The following SNX9 variants were observed in gnomAD, a reference collection of about 807,000 sequenced individuals.
SNX9 encodes sorting nexin 9, also known as sorting nexin-9.
In SNX9, 44 loss-of-function variants were observed where a neutral mutation model predicts 89.4. That is an observed-to-expected ratio of 0.49 (90% confidence interval 0.39 to 0.63). SNX9 has a LOEUF of 0.63. Among genes scored for constraint, SNX9 ranks in the 30% least tolerant of loss-of-function variants. The pLI, the probability that SNX9 is intolerant of heterozygous loss-of-function variation, is 0.00. For missense variants in SNX9, 578 were observed against 736.1 expected (o/e 0.79, Z 2.49); for synonymous variants, 236 against 247.8 (o/e 0.95, Z 0.45).
chr6:157,894,722 C>T (rs1039230932), intron 4 of SNX9, among the ~76,000 whole-genome samples: 24 of 152,200 alleles, frequency 1.6e-4, no homozygotes, highest in Non-Finnish European at 2.5e-4. Context: ...CAAAACCCCT[C>T]AGCGTGACAG....
chr6:157,896,270 T>G (rs1267598152), intron 4 of SNX9, among the ~76,000 whole-genome samples: 4 of 152,218 alleles, frequency 2.6e-5, no homozygotes, highest in African/African-American at 9.6e-5. Flanking sequence ...TTGTTTGAAT[T>G]TTTTTTATTA....
intron 1 of SNX9, among the ~76,000 whole-genome samples, chr6:157,830,035 A>G (rs1431667483): frequency 1.3e-5 from 2 of 152,200 alleles, no homozygotes; most frequent in Admixed American, 6.5e-5. Context: ...AAAAGACATA[A>G]GGTTATTTAA....
chr6:157,895,470 T>TA (rs1032580112), intron 4 of SNX9, among the ~76,000 whole-genome samples: 1 of 152,178 alleles, frequency 6.6e-6, no homozygotes, highest in African/African-American at 2.4e-5. Context: ...CATGGTATTA[T>TA]AGTACCCAAA....
chr6:157,876,428 G>T (rs1406616814), intron 4 of SNX9, among the ~76,000 whole-genome samples: 1 of 152,208 alleles, frequency 6.6e-6, no homozygotes, highest in African/African-American at 2.4e-5. Context: ...TCCAGCCTGG[G>T]CGAGTGAGAC....
At chr6:157,937,650 G>A in intron 15 of SNX9, 127 bp downstream of exon 15, 1 of 675,202 alleles carries the variant, frequency 1.5e-6, no homozygotes, top group Non-Finnish European at 2.5e-6. Context: ...CATTAGAAAG[G>A]TTTTGTAACT....
chr6:157,912,253 T>C (rs568397534), intron 9 of SNX9, among the ~76,000 whole-genome samples: 1 of 152,372 alleles, frequency 6.6e-6, no homozygotes, highest in Non-Finnish European at 1.5e-5. Context: ...GTTAGCACAG[T>C]GTGTGCTCCA....
chr6:157,895,648 AAAT>A (rs1258238799), intron 4 of SNX9, among the ~76,000 whole-genome samples: 1 of 152,206 alleles, frequency 6.6e-6, no homozygotes, highest in Non-Finnish European at 1.5e-5. Context: ...TACCGAGCAA[AAAT>A]AATACAATTT....
rs1782450192 is a variant in SNX9, at chr6:157,873,190, G to A, written c.174+14G>A. The A allele has an allele frequency of 2.6e-6, 4 of 1,566,012 alleles. No homozygotes were observed. Among genetic ancestry groups the A allele is most frequent in the Admixed American group, 1.8e-5 (1 of 55,964 alleles). On this transcript the variant is annotated intron_variant, in intron 3 of 17. Coordinates refer to ENST00000392185, the MANE Select transcript of SNX9 (RefSeq NM_016224.5). ...GACTACGTTGAAGTAAGAGCTTCCT[G>A]TCATTCATTCATTAGAGCTCATCTT...
At chr6:157,837,882 A>G (rs1781616548) in intron 1 of SNX9, among the ~76,000 whole-genome samples, 1 of 152,248 alleles carries the variant, frequency 6.6e-6, no homozygotes, top group Admixed American at 6.5e-5. Flanking sequence ...GGGTTCCGTG[A>G]ACAGCATATG....
intron 4 of SNX9, among the ~76,000 whole-genome samples, chr6:157,893,609 T>TGG: frequency 9.2e-5 from 1 of 10,876 alleles, no homozygotes; most frequent in Non-Finnish European, 1.9e-4. Context: ...TAGCACCATT[T>TGG]GTGTGTGTGT....
At chr6:157,886,259 C>T (rs1782733644) in intron 4 of SNX9, among the ~76,000 whole-genome samples, 1 of 151,962 alleles carries the variant, frequency 6.6e-6, no homozygotes, top group Non-Finnish European at 1.5e-5. Context: ...GGTCCCAGTT[C>T]CCCAAGGATG....
intron 1 of SNX9, among the ~76,000 whole-genome samples, chr6:157,848,658 G>A (rs1414933168): frequency 6.6e-6 from 1 of 152,190 alleles, no homozygotes; most frequent in African/African-American, 2.4e-5. Context: ...CTCTTAGGTG[G>A]CAGATGCCGT....
At chr6:157,859,716 C>T (rs1404531526) in intron 1 of SNX9, among the ~76,000 whole-genome samples, 1 of 152,146 alleles carries the variant, frequency 6.6e-6, no homozygotes, top group Non-Finnish European at 1.5e-5. Context: ...TTTTGTCATG[C>T]ATTTAAGGGC....
chr6:157,877,819 C>T (rs1483481394), intron 4 of SNX9, among the ~76,000 whole-genome samples: 2 of 152,170 alleles, frequency 1.3e-5, no homozygotes, highest in Non-Finnish European at 2.9e-5. Context: ...TGTCTCTTTA[C>T]TCATCTTAGC....
intron 13 of SNX9, among the ~76,000 whole-genome samples, chr6:157,935,571 G>A (rs6917341): frequency 0.22 from 32,939 of 152,058 alleles, 3,641 homozygotes; most frequent in Non-Finnish European, 0.23. Flanking sequence ...GTTAAGAAAC[G>A]CATCAGTTCT....
chr6:157,848,596 G>A (rs1485378004), intron 1 of SNX9, among the ~76,000 whole-genome samples: 1 of 152,184 alleles, frequency 6.6e-6, no homozygotes, highest in Non-Finnish European at 1.5e-5. Flanking sequence ...AACTGAACTA[G>A]TAAGATTGAA....
intron 1 of SNX9, among the ~76,000 whole-genome samples, chr6:157,837,819 G>A (rs1197521983): frequency 2.0e-5 from 3 of 152,202 alleles, no homozygotes; most frequent in African/African-American, 2.4e-5. Flanking sequence ...TCGTGAAGCC[G>A]TCGTTGGCAT....
At chr6:157,849,592 A>G (rs918664963) in intron 1 of SNX9, among the ~76,000 whole-genome samples, 1 of 152,180 alleles carries the variant, frequency 6.6e-6, no homozygotes, top group Non-Finnish European at 1.5e-5. Context: ...ATTAAAGATG[A>G]CTTGGACTGT....
intron 6 of SNX9, among the ~76,000 whole-genome samples, chr6:157,904,708 CA>C (rs1043464973): frequency 6.6e-6 from 1 of 151,674 alleles, no homozygotes; most frequent in African/African-American, 2.4e-5. Flanking sequence ...GACTCTGTCT[CA>C]AAAAAATAAA....
Sources: allele counts gnomAD v4.1 joint callset (sites outside exome capture counted in the v4.1 genomes callset), GRCh38; gene constraint gnomAD v4.1.1; transcripts MANE v1.5; gene names NCBI Gene and HGNC (gene_info 2026-07-23, HGNC 2026-07-21).